The following ASTN2 variants were observed in gnomAD, a reference collection of about 807,000 sequenced individuals.
ASTN2 encodes astrotactin-2.
Under a neutral mutation model 139.8 loss-of-function variants are expected in ASTN2, and 54 were observed. That is an observed-to-expected ratio of 0.39 (90% confidence interval 0.31 to 0.48). ASTN2 has a LOEUF of 0.48. Among genes scored for constraint, ASTN2 ranks in the 20% least tolerant of loss-of-function variants. The pLI is 0.95. For synonymous variants in ASTN2, 756 were observed against 719.5 expected, an observed-to-expected ratio of 1.05 and a Z score of -0.81; for missense variants, 1,565 against 1,725.1, an observed-to-expected ratio of 0.91 and a Z score of 1.64.
In ASTN2 at chr9:117,074,753, C is replaced by T. The variant is rs184355724; in HGVS notation, c.1276+21291G>A. ...TACCTCTTTCAATCCTAACTATCTA[C>T]GTATCTATCTATATATTATGTAAAT... On this transcript the variant is annotated intron_variant, in intron 5 of 22. Transcript: ENST00000313400. Among the ~76,000 whole-genome samples, 12 of 152,230 alleles carry T rather than the reference C, an allele frequency of 7.9e-5. No homozygotes were observed. The East Asian group carries it at 1.2e-3, about 15-fold the overall frequency.
intron 13 of ASTN2, among the ~76,000 whole-genome samples, chr9:116,746,523 G>A (rs1416083370): frequency 1.3e-5 from 2 of 152,104 alleles, no homozygotes; most frequent in Admixed American, 6.6e-5. Flanking sequence ...TGAGCTGATT[G>A]GCAACCCTAT....
intron 1 of ASTN2, among the ~76,000 whole-genome samples, chr9:117,398,321 G>A (rs1830731266): frequency 6.6e-6 from 1 of 152,170 alleles, no homozygotes; most frequent in Non-Finnish European, 1.5e-5. Context: ...ATTGTACATG[G>A]AGAATGGAGG....
Position 116,976,898 on chromosome 9 carries a change from G to A in ASTN2, c.1592-113C>T, listed in dbSNP as rs1588453932. On this transcript the variant is annotated intron_variant, in intron 7 of 22. Coordinates refer to ENST00000313400, the MANE Select transcript of ASTN2 (RefSeq NM_001365068.1). ...AGTGAGCTGCTTAGTTTTAGAAAAG[G>A]CACATGGAAAGAGGGTAATCTTGTC... 5.8e-6 allele frequency: 5 copies of A among 867,252 alleles called. No individual in the cohort carries two copies. The East Asian group carries it at 1.3e-4, about 23-fold the overall frequency. The allele number at this position is 867,252 out of a possible 1,614,324, so 53.7% of individuals were successfully genotyped here.
intron 19 of ASTN2, among the ~76,000 whole-genome samples, chr9:116,546,981 G>T (rs10983230): frequency 0.11 from 16,794 of 152,188 alleles, 954 homozygotes; most frequent in East Asian, 0.14. Context: ...GCTGGAGGGG[G>T]TAGGAATAAT....
chr9:117,344,632 G>A (rs1053850698), intron 1 of ASTN2, among the ~76,000 whole-genome samples: 4 of 152,028 alleles, frequency 2.6e-5, no homozygotes, highest in African/African-American at 7.3e-5. Flanking sequence ...ATGAGAAGAA[G>A]CATGTTTCTC....
intron 3 of ASTN2, among the ~76,000 whole-genome samples, chr9:117,184,235 C>G (rs1451224709): frequency 6.6e-6 from 1 of 152,196 alleles, no homozygotes; most frequent in Non-Finnish European, 1.5e-5. Flanking sequence ...ATACTGCCTC[C>G]TCTCCCCTGG....
intron 7 of ASTN2, among the ~76,000 whole-genome samples, chr9:116,981,267 T>C (rs984325676): frequency 2.0e-5 from 3 of 152,138 alleles, no homozygotes; most frequent in Non-Finnish European, 4.4e-5. Context: ...ACTCAATTAT[T>C]GAATGAATGA....
At chr9:116,562,005 G>A (rs547763343) in intron 19 of ASTN2, 19 of 152,286 alleles carry the variant, frequency 1.2e-4, no homozygotes, top group Admixed American at 4.6e-4. Context: ...GCAGGCAAGC[G>A]GGAGGTAGAA....
chr9:117,229,527 A>G (rs1194966793), intron 2 of ASTN2, among the ~76,000 whole-genome samples: 5 of 152,340 alleles, frequency 3.3e-5, no homozygotes, highest in Non-Finnish European at 7.3e-5. Flanking sequence ...AGCGTCCCCA[A>G]ACTGCCACCC....
At chr9:116,444,179 A>G (rs778317325) in intron 20 of ASTN2, among the ~76,000 whole-genome samples, 2 of 152,158 alleles carry the variant, frequency 1.3e-5, no homozygotes, top group Admixed American at 6.5e-5. Flanking sequence ...AGGACTGGCA[A>G]TTTAAACCTT....
At chr9:116,690,143 T>G (rs1860493578) in intron 16 of ASTN2, among the ~76,000 whole-genome samples, 1 of 152,222 alleles carries the variant, frequency 6.6e-6, no homozygotes, top group Non-Finnish European at 1.5e-5. Flanking sequence ...CTAAACTCCT[T>G]ACTCTAATTT....
chr9:116,982,723 T>C (rs972627474), intron 7 of ASTN2, among the ~76,000 whole-genome samples: 6 of 152,054 alleles, frequency 3.9e-5, no homozygotes, highest in African/African-American at 1.4e-4. Context: ...GTGCCATCAT[T>C]CCCAGCTAAT....
chr9:117,291,517 C>T lies in ASTN2; in HGVS notation c.443-4G>A. 1.3e-6 allele frequency: 2 copies of T among 1,592,206 alleles called. No individual in the cohort carries two copies. Among genetic ancestry groups the T allele is most frequent in the South Asian group, 2.3e-5 (2 of 86,908 alleles). ...TCCGCTGCTGTGCCAGACATCTCTG[C>T]AAGACAAGACCCGAGGCACTGGGTG... On this transcript the variant is annotated splice_region_variant and splice_polypyrimidine_tract_variant and intron_variant, in intron 1 of 22. Coordinates refer to ENST00000313400, the MANE Select transcript of ASTN2 (RefSeq NM_001365068.1).
chr9:117,360,204 G>T (rs890629713), intron 1 of ASTN2, among the ~76,000 whole-genome samples: 2 of 152,036 alleles, frequency 1.3e-5, no homozygotes, highest in Non-Finnish European at 2.9e-5. Context: ...TCTGTGCTCG[G>T]CAAACTTACT....
At chr9:116,839,149 T>C (rs1316988785) in intron 11 of ASTN2, among the ~76,000 whole-genome samples, 1 of 151,170 alleles carries the variant, frequency 6.6e-6, no homozygotes, top group Non-Finnish European at 1.5e-5. Context: ...TTATTTATTG[T>C]TATTATTTTT....
intron 1 of ASTN2, among the ~76,000 whole-genome samples, chr9:117,407,892 A>G (rs1207542391): frequency 1.3e-5 from 2 of 152,188 alleles, no homozygotes; most frequent in Non-Finnish European, 2.9e-5. Flanking sequence ...GTGGGAGAGT[A>G]TCAGCTCTGG....
At chr9:116,983,239 C>T (rs145507032) in intron 7 of ASTN2, among the ~76,000 whole-genome samples, 116 of 152,278 alleles carry the variant, frequency 7.6e-4, no homozygotes, top group Admixed American at 1.6e-3. Flanking sequence ...GACTCTTCAC[C>T]TCTGTAGCTC....
rs369537234 is a variant in ASTN2, at chr9:116,888,181, T to A, written c.1890-24448A>T. 3.3e-5 allele frequency among the ~76,000 whole-genome samples: 5 copies of A among 152,144 alleles called. 1 individual carries two copies. The South Asian group carries it at 1.0e-3, about 32-fold the overall frequency. ...AGATTGGGAGGCTGAGGTGGGAGGA[T>A]CGCTTGATCCTGGGAGGGTCAAGGC... On this transcript the variant is annotated intron_variant, in intron 10 of 22. Coordinates refer to ENST00000313400, the MANE Select transcript of ASTN2 (RefSeq NM_001365068.1).
intron 1 of ASTN2, among the ~76,000 whole-genome samples, chr9:117,297,678 AGGGATGGTG>A (rs1306437171): frequency 6.6e-6 from 1 of 152,238 alleles, no homozygotes; most frequent in Non-Finnish European, 1.5e-5. Flanking sequence ...TGAAGGGGCA[AGGGATGGTG>A]GGGATGGGGG....
Sources: gnomAD v4.1 joint callset for allele counts (sites outside exome capture counted in the v4.1 genomes callset) on GRCh38, gnomAD v4.1.1 for gene constraint, MANE v1.5 for transcripts, NCBI Gene and HGNC (gene_info 2026-07-23, HGNC 2026-07-21) for gene names.